The following ATP10B variants were observed in gnomAD, a reference collection of about 807,000 sequenced individuals.
The protein encoded by ATP10B is phospholipid-transporting ATPase VB.
A neutral mutation model predicts 141.2 loss-of-function variants in ATP10B; 122 were observed. The ratio of observed to expected loss-of-function variants is 0.86; its 90% CI spans 0.75 to 1.00. The LOEUF is 1.00. Ranked by LOEUF, ATP10B falls within the 50% of genes least tolerant of loss-of-function variation. ATP10B has a pLI of 0.00. For missense variants in ATP10B, 1,876 were observed against 1,825.3 expected, an observed-to-expected ratio of 1.03 and a Z score of -0.51; for synonymous variants, 685 against 692.0, an observed-to-expected ratio of 0.99 and a Z score of 0.16.
At chr5:160,748,038 A>T (rs907519115) in intron 2 of ATP10B, among the ~76,000 whole-genome samples, 4 of 131,562 alleles carry the variant, frequency 3.0e-5, no homozygotes, top group Non-Finnish European at 6.4e-5. Context: ...TGTGGCGGGG[A>T]GCGCAGAGGG....
At chr5:160,571,557 A>G (rs1030814585) in intron 24 of ATP10B, among the ~76,000 whole-genome samples, 2 of 152,148 alleles carry the variant, frequency 1.3e-5, no homozygotes, top group African/African-American at 4.8e-5. Flanking sequence ...TTTTTCACTC[A>G]TGGACTCATT....
rs1012240881 is a variant in ATP10B, at chr5:160,800,291, T to C, written c.-575-14488A>G. On this transcript the variant is annotated intron_variant, in intron 1 of 25. Transcript: ENST00000327245. ...CTCTCTAAGCCTCAGTTTCCTCATC[T>C]ATAAAATGGAAATAATAAAAATGTC... Among the ~76,000 whole-genome samples the C allele has an allele frequency of 9.2e-5, 14 of 152,354 alleles. No homozygotes were observed. In the South Asian group the frequency reaches 1.0e-3, roughly 11 times the overall value.
chr5:160,784,229 T>C (rs772501832), intron 2 of ATP10B, among the ~76,000 whole-genome samples: 81 of 152,130 alleles, frequency 5.3e-4, no homozygotes, highest in Non-Finnish European at 1.0e-3. Flanking sequence ...TGGTGAGATC[T>C]TGCAAAATTA....
chr5:160,653,592 T>TATAC (rs1554100789), intron 7 of ATP10B, among the ~76,000 whole-genome samples: 4 of 7,330 alleles, frequency 5.5e-4, no homozygotes, highest in Admixed American at 4.1e-3. Flanking sequence ...CATATATACA[T>TATAC]ATATACATAT....
At chr5:160,569,089 A>C (rs1754721033) in intron 25 of ATP10B, among the ~76,000 whole-genome samples, 1 of 152,032 alleles carries the variant, frequency 6.6e-6, no homozygotes, top group East Asian at 1.9e-4. Flanking sequence ...CAATATCTGT[A>C]CTCCATCTGG....
intron 3 of ATP10B, among the ~76,000 whole-genome samples, chr5:160,715,159 G>A (rs1437225653): frequency 3.3e-5 from 5 of 149,458 alleles, no homozygotes; most frequent in South Asian, 2.2e-4. Flanking sequence ...CGAGGTTCCC[G>A]GCTGCTTTGT....
chr5:160,591,220 T>C, intron 22 of ATP10B, 81 bp from the exon 23 acceptor site: 1 of 1,175,334 alleles, frequency 8.5e-7, no homozygotes, highest in Non-Finnish European at 1.2e-6. Flanking sequence ...TGCATGTGGC[T>C]GCGACAGACA....
chr5:160,659,922 C>T (rs1761798696), intron 7 of ATP10B, among the ~76,000 whole-genome samples: 1 of 152,164 alleles, frequency 6.6e-6, no homozygotes, highest in Admixed American at 6.5e-5. Flanking sequence ...GGTCTCAACA[C>T]TATATTACCT....
Position 160,598,176 on chromosome 5 carries a change from G to T in ATP10B, c.3564+594C>A, listed in dbSNP as rs1241044086. ...TGATAGACTGGATTAAGAAAATGTG[G>T]CACATATACACCATGGAATACTATG... On this transcript the variant is annotated intron_variant, in intron 22 of 25. Coordinates refer to ENST00000327245, the MANE Select transcript of ATP10B (RefSeq NM_025153.3). 2.0e-5 allele frequency among the ~76,000 whole-genome samples: 3 copies of T among 151,674 alleles called. No homozygotes were observed. The East Asian group carries it at 5.8e-4, about 29-fold the overall frequency.
chr5:160,900,901 T>C, the ATP10B span, among the ~76,000 whole-genome samples: 2 of 135,094 alleles, frequency 1.5e-5, no homozygotes, highest in African/African-American at 2.7e-5. Flanking sequence ...TTTTGGGGGG[T>C]AGAGAAGTTT....
At chr5:160,806,601 A>G (rs1772787683) in intron 1 of ATP10B, among the ~76,000 whole-genome samples, 2 of 152,234 alleles carry the variant, frequency 1.3e-5, no homozygotes, top group East Asian at 3.9e-4. Flanking sequence ...AGGGGGGGAT[A>G]ATGATGATAG....
chr5:160,866,905 T>C, the ATP10B span, among the ~76,000 whole-genome samples: 3,080 of 152,124 alleles, frequency 0.02, 106 homozygotes, highest in African/African-American at 0.069. Flanking sequence ...AAGAGATTTA[T>C]GTGAACAAAT....
chr5:160,727,990 C>T (rs982041021), intron 2 of ATP10B, among the ~76,000 whole-genome samples: 16 of 152,280 alleles, frequency 1.1e-4, no homozygotes, highest in African/African-American at 3.9e-4. Context: ...TGTTTGGTTT[C>T]ACACTGATAA....
At chr5:160,627,801 G>C (rs1488951467) in intron 13 of ATP10B, among the ~76,000 whole-genome samples, 2 of 152,226 alleles carry the variant, frequency 1.3e-5, no homozygotes, top group Non-Finnish European at 2.9e-5. Context: ...AGTGGGAACG[G>C]TATGCTTCCA....
At chr5:160,695,489 AGTGTGT>A (rs59946073) in intron 3 of ATP10B, among the ~76,000 whole-genome samples, 33,615 of 148,012 alleles carry the variant, frequency 0.23, 4,299 homozygotes, top group East Asian at 0.4. Flanking sequence ...TGCGTGAGTG[AGTGTGT>A]GTGTGTGTGT....
At position 160,565,828 on chromosome 5, in the gene ATP10B, G is replaced by A. The variant is rs780235523; in HGVS notation, c.4011C>T (p.Leu1337=). ...LISKAQKIDK[L]PPDKRNLEIQ... ...TTTCCAGGTTTCTTTTGTCTGGGGG[G>A]AGTTTGTCAATTTTCTGAGCTTTTG... The change falls in exon 26 of 26, where the codon CTC becomes CTT. Residue 1337 remains leucine (L), a synonymous_variant. Coordinates refer to ENST00000327245, the MANE Select transcript of ATP10B (RefSeq NM_025153.3). The A allele has an allele frequency of 6.2e-7, 1 of 1,614,028 alleles. No homozygotes were observed. The highest frequency in any genetic ancestry group is 8.5e-7 in the Non-Finnish European group (1 of 1,179,950).
At chr5:160,636,881 T>TATCCATCCATCCTTCCATTC (rs1759420310) in intron 10 of ATP10B, among the ~76,000 whole-genome samples, 2 of 150,090 alleles carry the variant, frequency 1.3e-5, no homozygotes, top group African/African-American at 4.9e-5. Context: ...TCCTTCCATT[T>TATCCATCCATCCTTCCATTC]ATCCATCCAT....
At chr5:160,843,832 T>C (rs1335314744) in intron 1 of ATP10B, among the ~76,000 whole-genome samples, 1 of 152,136 alleles carries the variant, frequency 6.6e-6, no homozygotes, top group East Asian at 1.9e-4. Flanking sequence ...TCATATTATT[T>C]TTCTCAAGTT....
At chr5:160,783,370 A>G in intron 2 of ATP10B, among the ~76,000 whole-genome samples, 1 of 144,818 alleles carries the variant, frequency 6.9e-6, no homozygotes, top group Non-Finnish European at 1.5e-5. Flanking sequence ...ATAGCTGAGT[A>G]GTATTTCATC....
Sources: gnomAD v4.1 joint callset for allele counts (sites outside exome capture counted in the v4.1 genomes callset) on GRCh38, gnomAD v4.1.1 for gene constraint, MANE v1.5 for transcripts, NCBI Gene and HGNC (gene_info 2026-07-23, HGNC 2026-07-21) for gene names.